Variants in KCTD2 observed in about 807,000 individuals in gnomAD.
KCTD2 encodes potassium channel tetramerization domain containing 2, also known as BTB/POZ domain-containing protein KCTD2.
Under a neutral mutation model 27.9 loss-of-function variants are expected in KCTD2, and 18 were observed. That is an observed-to-expected ratio of 0.64 (90% confidence interval 0.45 to 0.96). The LOEUF (loss-of-function observed/expected upper bound fraction) is 0.96. KCTD2 is among the 40% of genes least tolerant of loss of function. KCTD2 has a pLI of 0.00. For missense variants in KCTD2, 280 were observed against 348.0 expected (o/e 0.80, Z 1.56); for synonymous variants, 175 against 148.4 (o/e 1.18, Z -1.30).
At chr17:75,052,978 C>T (rs975629837) in intron 2 of KCTD2, 36 bp from the exon 3 acceptor site, 3 of 1,511,632 alleles carry the variant, frequency 2.0e-6, no homozygotes, top group Admixed American at 1.7e-5. Flanking sequence ...GGCAAACCCT[C>T]GCACCTATCT....
chr17:75,056,584 G>A (rs1422337868), intron 3 of KCTD2, among the ~76,000 whole-genome samples: 1 of 152,050 alleles, frequency 6.6e-6, no homozygotes, highest in Non-Finnish European at 1.5e-5. Context: ...AAGCTTTTTT[G>A]TTCTAGGAAT....
At chr17:75,042,285 C>G (rs375367412), upstream of KCTD2, 39 of 1,612,986 alleles carry the variant, frequency 2.4e-5, no homozygotes, top group Non-Finnish European at 3.3e-5. Context: ...AACCTGCCCA[C>G]AAGGAAAGGC....
At position 75,062,222 on chromosome 17, in the gene KCTD2, A is replaced by G; in HGVS notation, c.739A>G (p.Ile247Val). ...ELNNSTNGIV[I>V]EPSEKAKILQ... The stretch of plus-strand genomic sequence containing the variant: ...AAATAATTCTACCAATGGCATCGTC[A>G]TAGAGCCGAGCGAAAAGGCGAAGGT... The change falls in exon 5 of 6, where the codon ATA becomes GTA. Residue 247 changes from isoleucine to valine, a missense_variant. Ile to Val is a conservative substitution (Grantham distance 29). Transcript: ENST00000322444. 6.2e-7 allele frequency: 1 copy of G among 1,613,452 alleles called. No homozygotes were observed. Among genetic ancestry groups the G allele is most frequent in the South Asian group, 1.1e-5 (1 of 90,860 alleles).
intron 3 of KCTD2, among the ~76,000 whole-genome samples, chr17:75,057,107 C>T (rs1362503785): frequency 2.0e-5 from 3 of 151,768 alleles, no homozygotes; most frequent in East Asian, 1.9e-4. Context: ...GTGTGCACCA[C>T]CACGCCCGGC....
At chr17:75,046,626 C>G (rs1288001253), upstream of KCTD2, among the ~76,000 whole-genome samples, 1 of 152,246 alleles carries the variant, frequency 6.6e-6, no homozygotes, top group African/African-American at 2.4e-5. Context: ...AGTCCCCCCA[C>G]CAAACTATTG....
intron 5 of KCTD2, among the ~76,000 whole-genome samples, chr17:75,062,706 A>ACACACACACACACACACACC: frequency 7.9e-6 from 1 of 126,080 alleles, no homozygotes; most frequent in Non-Finnish European, 1.5e-5. Flanking sequence ...CCCAACACAC[A>ACACACACACACACACACACC]CACACACACA....
Position 75,063,215 on chromosome 17 carries a change from G to T in KCTD2, c.*168G>T, listed in dbSNP as rs554148374. 4.1e-4 allele frequency: 274 copies of T among 672,074 alleles called. 2 individuals are homozygous for T. The South Asian group carries it at 4.4e-3, about 11-fold the overall frequency. 41.6% of individuals were successfully genotyped at this position (672,074 alleles called of 1,614,324 possible). A position where few individuals can be genotyped will look rare whatever the true frequency, so the allele number is the denominator to read the frequency against. On this transcript the variant is annotated 3_prime_UTR_variant, in exon 6 of 6. Transcript: ENST00000322444. ...AACTAAAGGAACTCCCTCCCCACCT[G>T]CAGGACTCCGAAGACAGTGCGACTT...
chr17:75,047,537 C>A lies in KCTD2; in HGVS notation c.287C>A (p.Ser96Ter). The change falls in exon 1 of 6, where the codon TCA becomes TAA. Residue 96 changes from serine (S) to a stop codon, truncating the protein, a stop_gained. Coordinates refer to ENST00000322444, the MANE Select transcript of KCTD2 (RefSeq NM_015353.3). LOFTEE classifies it high-confidence loss of function. ...CAGACCTTAGGCCGGGAGCCCAAGT[C>A]ATTTCTCTGCCGCCTCTGCTGCCAG... ...TRQTLGREPKSFLCRLCCQED... is the reference protein window; with the variant it reads ...TRQTLGREPK 6.2e-7 allele frequency: 1 copy of A among 1,611,696 alleles called. No homozygotes were observed. The highest frequency in any genetic ancestry group is 8.5e-7 in the Non-Finnish European group (1 of 1,179,478).
rs996980796 is a variant in KCTD2 at position 75,049,610 on chromosome 17, C to CT, written c.448+289dup. On this transcript the variant is annotated intron_variant, in intron 2 of 5. Transcript: ENST00000322444. ...CCGAATCTCCAGAATTGTCACGATC[C>CT]TTTTTTTACATTTGTTTGTGTGCTA... Among the ~76,000 whole-genome samples, 32 of 152,276 alleles carry CT rather than the reference C, an allele frequency of 2.1e-4. 1 individual carries two copies. Among genetic ancestry groups the CT allele is most frequent in the African/African-American group, 7.5e-4 (31 of 41,552 alleles).
intron 2 of KCTD2, among the ~76,000 whole-genome samples, chr17:75,051,399 C>G (rs1445470499): frequency 6.6e-6 from 1 of 150,486 alleles, no homozygotes; most frequent in Non-Finnish European, 1.5e-5. Flanking sequence ...ATTTTCCTGC[C>G]TCAGCCTCCT....
chr17:75,037,916 G>A (rs2144906642), intron 3 of KCTD2, among the ~76,000 whole-genome samples: 1 of 152,000 alleles, frequency 6.6e-6, no homozygotes, highest in East Asian at 2.0e-4. Context: ...GGGCGTGATG[G>A]CGGGCACCTG....
chr17:75,063,029 G>A lies in KCTD2; in HGVS notation c.774G>A (p.Glu258=). 1 of 1,614,070 alleles carries A rather than the reference G, an allele frequency of 6.2e-7. No homozygotes were observed. Among genetic ancestry groups the A allele is most frequent in the Non-Finnish European group, 8.5e-7 (1 of 1,180,014 alleles). The stretch of plus-strand genomic sequence containing the variant: ...TCTCCAACTTTCAGATTCTTCAGGA[G>A]AGAGGATCGCGGATGTAAACTAAGA... ...EPSEKAKILQ[E]RGSRM The change falls in exon 6 of 6, where the codon GAG becomes GAA. Residue 258 remains glutamate (E), a synonymous_variant. Transcript: ENST00000322444.
intron 2 of KCTD2, among the ~76,000 whole-genome samples, chr17:75,050,473 G>A (rs1475588495): frequency 5.3e-5 from 8 of 152,020 alleles, no homozygotes; most frequent in African/African-American, 1.7e-4. Context: ...ATGTTGACCA[G>A]GCTGGTCTTG....
intron 3 of KCTD2, chr17:75,042,141 C>G: frequency 6.5e-7 from 1 of 1,543,684 alleles, no homozygotes; most frequent in South Asian, 1.1e-5. Flanking sequence ...TACCCACAGG[C>G]ATGTTACAAG....
At chr17:75,042,243 C>T (rs377594522), upstream of KCTD2, 4 of 1,614,030 alleles carry the variant, frequency 2.5e-6, no homozygotes, top group African/African-American at 2.7e-5. Context: ...TAAGCCCAGT[C>T]GATAGCTGGT....
intron 1 of KCTD2, among the ~76,000 whole-genome samples, chr17:75,048,351 C>A (rs539949148): frequency 6.6e-6 from 1 of 152,202 alleles, no homozygotes; most frequent in South Asian, 2.1e-4. Flanking sequence ...ACGTATTCAC[C>A]TTTAAGTTCT....
chr17:75,039,099 C>A (rs780081233), intron 3 of KCTD2: 3 of 1,612,844 alleles, frequency 1.9e-6, no homozygotes, highest in Non-Finnish European at 2.5e-6. Context: ...TTAATGTAAA[C>A]AGAGACGGAA....
In KCTD2 at chr17:75,050,898, A is replaced by G. The variant is rs543020039; in HGVS notation, c.448+1570A>G. Among the ~76,000 whole-genome samples the G allele has an allele frequency of 4.6e-5, 7 of 150,638 alleles. No individual in the cohort carries two copies. In the East Asian group the frequency reaches 1.4e-3, roughly 30 times the overall value. ...ATCTTATCTTGCCCAGGCTGGTCTCAAATGTCTGGCCTCACATGCTCCTCC... is the reference window on the plus strand; with the variant it reads ...ATCTTATCTTGCCCAGGCTGGTCTCGAATGTCTGGCCTCACATGCTCCTCC... On this transcript the variant is annotated intron_variant, in intron 2 of 5. Transcript: ENST00000322444.
At chr17:75,051,923 A>G (rs2073292657) in intron 2 of KCTD2, among the ~76,000 whole-genome samples, 1 of 152,166 alleles carries the variant, frequency 6.6e-6, no homozygotes, top group Admixed American at 6.6e-5. Flanking sequence ...GAGTTCATTT[A>G]GCATGCAAGT....
Sources: gnomAD v4.1 joint callset for allele counts (sites outside exome capture counted in the v4.1 genomes callset) on GRCh38, gnomAD v4.1.1 for gene constraint, MANE v1.5 for transcripts, NCBI Gene and HGNC (gene_info 2026-07-23, HGNC 2026-07-21) for gene names.